The following LRRTM3 variants were observed in gnomAD, a reference collection of about 807,000 sequenced individuals.
The protein encoded by LRRTM3 is leucine-rich repeat transmembrane neuronal protein 3.
Under a neutral mutation model 44.7 loss-of-function variants are expected in LRRTM3, and 24 were observed. The ratio of observed to expected loss-of-function variants is 0.54; its 90% CI spans 0.39 to 0.76. The LOEUF (loss-of-function observed/expected upper bound fraction) is 0.76, where lower values mean the gene tolerates loss of function less well. Ranked by LOEUF, LRRTM3 falls within the 30% of genes least tolerant of loss-of-function variation. The pLI is 0.00. For missense variants in LRRTM3, 587 were observed against 702.2 expected, an observed-to-expected ratio of 0.84 and a Z score of 1.85; for synonymous variants, 277 against 278.7, an observed-to-expected ratio of 0.99 and a Z score of 0.06.
rs559016352 is a variant in LRRTM3, at chr10:67,002,912, C to T, written c.1536+74460C>T. Among the ~76,000 whole-genome samples the T allele has an allele frequency of 8.8e-4, 134 of 152,258 alleles. 1 individual carries two copies. The highest frequency in any genetic ancestry group is 5.9e-4 in the Admixed American group (9 of 15,290). On this transcript the variant is annotated intron_variant, in intron 2 of 2. Coordinates refer to ENST00000361320, the MANE Select transcript of LRRTM3 (RefSeq NM_178011.5). ...AACTTAGTATCATTATTATTCTAAACATACCAAGGCTCAAGTTTTCATTAC... is the reference window on the plus strand; with the variant it reads ...AACTTAGTATCATTATTATTCTAAATATACCAAGGCTCAAGTTTTCATTAC...
At chr10:66,983,318 G>T (rs1485994106) in intron 2 of LRRTM3, among the ~76,000 whole-genome samples, 2 of 152,050 alleles carry the variant, frequency 1.3e-5, no homozygotes, top group African/African-American at 4.8e-5. Context: ...TAAGACCCTG[G>T]TGCATTATGC....
At chr10:66,941,354 T>C (rs1847983991) in intron 2 of LRRTM3, among the ~76,000 whole-genome samples, 1 of 152,246 alleles carries the variant, frequency 6.6e-6, no homozygotes, top group Non-Finnish European at 1.5e-5. Flanking sequence ...AAAAGACTTA[T>C]TATCAAGATT....
At chr10:66,968,554 G>C (rs1734019468) in intron 2 of LRRTM3, among the ~76,000 whole-genome samples, 1 of 151,834 alleles carries the variant, frequency 6.6e-6, no homozygotes, top group Non-Finnish European at 1.5e-5. Context: ...TTGGATTCAG[G>C]AGTTTCTGCA....
chr10:67,038,165 T>A (rs992417366), intron 2 of LRRTM3, among the ~76,000 whole-genome samples: 1 of 152,144 alleles, frequency 6.6e-6, no homozygotes, highest in African/African-American at 2.4e-5. Context: ...TTATAAAGAT[T>A]ATCTGAAATT....
chr10:67,033,642 A>G (rs989308099), intron 2 of LRRTM3, among the ~76,000 whole-genome samples: 2 of 152,236 alleles, frequency 1.3e-5, no homozygotes, highest in Non-Finnish European at 2.9e-5. Context: ...CTATGAAGTT[A>G]GTACTATTAT....
At position 66,927,988 on chromosome 10, in the gene LRRTM3, T is replaced by C. The variant is rs1847167396; in HGVS notation, c.1072T>C (p.Tyr358His). Residue 358 changes from tyrosine to histidine, a missense_variant, in exon 2 of 3, where the codon TAC becomes CAC. Physicochemically the swap from Tyr to His is moderately conservative, Grantham distance 83 (BLOSUM62 2). Coordinates refer to ENST00000361320, the MANE Select transcript of LRRTM3 (RefSeq NM_178011.5). The surrounding 1 kb of genome is among the most constrained non-coding windows in gnomAD (Gnocchi z 4.7). ...GVNVIDAVKN[Y>H]SICGKSTTER... The stretch of plus-strand genomic sequence containing the variant: ...AAATGTGATCGATGCAGTGAAGAAC[T>C]ACAGCATCTGTGGCAAAAGTACTAC... 1 of 1,614,214 alleles carries C rather than the reference T, an allele frequency of 6.2e-7. No individual in the cohort carries two copies. Among genetic ancestry groups the C allele is most frequent in the East Asian group, 2.2e-5 (1 of 44,878 alleles).
chr10:66,977,213 T>C lies in LRRTM3; in HGVS notation c.1536+48761T>C, dbSNP rs527431998. 2.0e-5 allele frequency among the ~76,000 whole-genome samples: 3 copies of C among 152,002 alleles called. No individual in the cohort carries two copies. In the East Asian group the frequency reaches 5.8e-4, roughly 30 times the overall value. On this transcript the variant is annotated intron_variant, in intron 2 of 2. Transcript: ENST00000361320. ...TAGCACTTTGGGAGGCCGAGGCAGG[T>C]GGATCACGAAGTCAAGAGATTGAGA...
Position 66,972,700 on chromosome 10 carries a change from ATTTTTTT to A in LRRTM3, c.1536+44268_1536+44274del, listed in dbSNP as rs56664927. ...ACAATTTAAAGGTTCTGTCAAATAG[ATTTTTTT>A]TTTTTTTTTTTTTTTTTTTATGAAA... is the stretch of plus-strand genomic sequence containing the variant. On this transcript the variant is annotated intron_variant, in intron 2 of 2. Transcript: ENST00000361320. Among the ~76,000 whole-genome samples the A allele has an allele frequency of 0.029, 3,125 of 108,680 alleles. 306 individuals carry two copies. In the East Asian group the frequency reaches 0.41, roughly 14 times the overall value. The allele number at this position is 108,680 out of a possible 152,430, so 71.3% of individuals were successfully genotyped here. A position where few individuals can be genotyped will look rare whatever the true frequency, so the allele number is the denominator to read the frequency against.
At chr10:66,943,025 A>G (rs1848092418) in intron 2 of LRRTM3, among the ~76,000 whole-genome samples, 1 of 152,202 alleles carries the variant, frequency 6.6e-6, no homozygotes, top group Non-Finnish European at 1.5e-5. Context: ...AGGGCAAGGG[A>G]TATCAGAAAT....
intron 2 of LRRTM3, among the ~76,000 whole-genome samples, chr10:67,065,178 T>C (rs1589685869): frequency 6.6e-6 from 1 of 152,058 alleles, no homozygotes; most frequent in Non-Finnish European, 1.5e-5. Context: ...TATTTTTTCC[T>C]AGAAAAAAAG....
chr10:67,064,708 A>C (rs1855963285), intron 2 of LRRTM3, among the ~76,000 whole-genome samples: 1 of 152,184 alleles, frequency 6.6e-6, no homozygotes, highest in Admixed American at 6.5e-5. Context: ...GTTAAGATGA[A>C]CTGTGTGAGG....
intron 2 of LRRTM3, among the ~76,000 whole-genome samples, chr10:67,078,740 T>C (rs1856874016): frequency 6.6e-6 from 1 of 151,936 alleles, no homozygotes; most frequent in Non-Finnish European, 1.5e-5. Flanking sequence ...ATGGTCTCAA[T>C]CTCCTGACCT....
intron 2 of LRRTM3, among the ~76,000 whole-genome samples, chr10:66,932,073 C>G (rs181358459): frequency 2.0e-5 from 3 of 152,156 alleles, no homozygotes; most frequent in Admixed American, 1.3e-4. Context: ...GCTGATTGTG[C>G]CAGTGACCTG....
intron 2 of LRRTM3, among the ~76,000 whole-genome samples, chr10:67,085,124 C>A (rs1488516426): frequency 3.3e-5 from 5 of 151,756 alleles, no homozygotes; most frequent in African/African-American, 1.2e-4. Context: ...GAGTGAAAAG[C>A]AAATAATTAC....
intron 2 of LRRTM3, among the ~76,000 whole-genome samples, chr10:67,091,502 A>G (rs970623883): frequency 4.6e-5 from 7 of 152,068 alleles, no homozygotes; most frequent in Non-Finnish European, 8.8e-5. Flanking sequence ...CAAAAAAAGG[A>G]AAACAAAAGA....
At chr10:67,083,270 G>A (rs1299287436) in intron 2 of LRRTM3, among the ~76,000 whole-genome samples, 1 of 151,902 alleles carries the variant, frequency 6.6e-6, no homozygotes, top group Non-Finnish European at 1.5e-5. Context: ...ACAAATATAA[G>A]CCAAATAGCT....
At chr10:67,095,914 C>G (rs1857961713) in intron 2 of LRRTM3, among the ~76,000 whole-genome samples, 1 of 151,748 alleles carries the variant, frequency 6.6e-6, no homozygotes, top group Non-Finnish European at 1.5e-5. Flanking sequence ...TCTGTGACAA[C>G]AAGATTCTTA....
chr10:66,980,156 C>G (rs1310883694), intron 2 of LRRTM3, among the ~76,000 whole-genome samples: 1 of 152,152 alleles, frequency 6.6e-6, no homozygotes, highest in Non-Finnish European at 1.5e-5. Flanking sequence ...AAGGCAGACA[C>G]AAGTTATAGG....
At position 66,986,934 on chromosome 10, in the gene LRRTM3, T is replaced by C. The variant is rs566280050; in HGVS notation, c.1536+58482T>C. ...ATCACTGTCTTCATGAAGTTTATAT[T>C]TGAATAAGGAGTCAAGGTCACATCG... is the stretch of plus-strand genomic sequence containing the variant. On this transcript the variant is annotated intron_variant, in intron 2 of 2. Transcript: ENST00000361320. 9.2e-5 allele frequency among the ~76,000 whole-genome samples: 14 copies of C among 152,184 alleles called. No individual in the cohort carries two copies. In the South Asian group the frequency reaches 2.9e-3, roughly 32 times the overall value.
Sources: gnomAD v4.1 joint callset for allele counts (sites outside exome capture counted in the v4.1 genomes callset) on GRCh38, gnomAD v4.1.1 for gene constraint, Gnocchi (gnomAD v3.1) non-coding constraint, MANE v1.5 for transcripts, NCBI Gene and HGNC (gene_info 2026-07-23, HGNC 2026-07-21) for gene names.